MEX3A: variants seen among roughly 807,000 people sequenced by gnomAD.
MEX3A encodes the protein mex-3 RNA binding family member A, also known as RNA-binding protein MEX3A.
In MEX3A, 4 loss-of-function variants were observed where a neutral mutation model predicts 30.0. The observed-to-expected ratio is 0.13, with a 90% confidence interval of 0.07 to 0.30. The LOEUF (loss-of-function observed/expected upper bound fraction) is 0.30, where lower values mean the gene tolerates loss of function less well. Ranked by LOEUF, MEX3A falls within the 10% of genes least tolerant of loss-of-function variation. The probability of loss-of-function intolerance (pLI) is 1.00; values close to 1 mark genes in which losing one functional copy is unlikely to be tolerated. For missense variants in MEX3A, 555 were observed against 736.7 expected (o/e 0.75, Z 2.86); for synonymous variants, 335 against 327.6 (o/e 1.02, Z -0.24).
rs554186858 is a variant in MEX3A, at chr1:156,082,072, G to A, written c.-74C>T. ...GTGGTGGAAGGGAAAAGAGGAGAGA[G>A]GAGGGGAGGGGAGAGGAGAGGAGGG... On this transcript the variant is annotated 5_prime_UTR_variant, in exon 1 of 2. Transcript: ENST00000532414. 5.2e-5 allele frequency: 32 copies of A among 617,490 alleles called. No individual in the cohort carries two copies. The African/African-American group carries it at 6.7e-4, about 13-fold the overall frequency. 38.3% of individuals were successfully genotyped at this position (617,490 alleles called of 1,614,324 possible). A position where few individuals can be genotyped will look rare whatever the true frequency, so the allele number is the denominator to read the frequency against.
Position 156,076,986 on chromosome 1 carries a change from A to G in MEX3A, c.1151T>C (p.Val384Ala). The change falls in exon 2 of 2, where the codon GTG (valine) becomes GCG (alanine). Residue 384 changes from valine to alanine, a missense_variant. This residue lies in a region of MEX3A where 281 missense variants were observed against 265.1 expected (regional missense o/e 1.06). Coordinates refer to ENST00000532414, the MANE Select transcript of MEX3A (RefSeq NM_001093725.2). This position sits in a 1 kb window ranked among gnomAD's most constrained non-coding sequence, Gnocchi z 6.0. ...GVGKQDVYYG[V>A]AETSPPLWAG... is the part of the protein sequence containing the mutation. ...CCACAGCGGGGGGCTAGTCTCGGCC[A>G]CGCCGTAGTACACATCCTGCTTGCC... 6.2e-7 allele frequency: 1 copy of G among 1,613,004 alleles called. No individual in the cohort carries two copies. Among genetic ancestry groups the G allele is most frequent in the Non-Finnish European group, 8.5e-7 (1 of 1,179,664 alleles).
chr1:156,077,651 G>T lies in MEX3A; in HGVS notation c.486C>A (p.Thr162=). ...GCKIKALRAK[T]NTYIKTPVRG... is the part of the protein sequence containing the mutation. ...TCACCGGTGTCTTGATGTAGGTGTT[G>T]GTCTTGGCCCTCAAGGCCTTAATCT... Residue 162 remains threonine, a synonymous_variant, in exon 2 of 2, where the codon ACC becomes ACA. Coordinates refer to ENST00000532414, the MANE Select transcript of MEX3A (RefSeq NM_001093725.2). The surrounding 1 kb of genome is among the most constrained non-coding windows in gnomAD (Gnocchi z 8.3). 6.2e-7 allele frequency: 1 copy of T among 1,600,210 alleles called. No homozygotes were observed. The highest frequency in any genetic ancestry group is 8.5e-7 in the Non-Finnish European group (1 of 1,176,814).
Position 156,077,369 on chromosome 1 carries a change from G to A in MEX3A, c.768C>T (p.Tyr256=), listed in dbSNP as rs1225339992. The A allele has an allele frequency of 6.2e-7, 1 of 1,613,510 alleles. No individual in the cohort carries two copies. ...CGCGGTCACGGCTTGGTGTGATAATGTATGTGTTGGTTTGCTGCTGGATGC... is the reference window on the plus strand; with the variant it reads ...CGCGGTCACGGCTTGGTGTGATAATATATGTGTTGGTTTGCTGCTGGATGC... ...IKRIQQQTNT[Y]IITPSRDRDP... Residue 256 remains tyrosine (Y), a synonymous_variant, in exon 2 of 2, where the codon TAC becomes TAT. Transcript: ENST00000532414. This position sits in a 1 kb window ranked among gnomAD's most constrained non-coding sequence, Gnocchi z 8.3.
rs757995309 is a variant in MEX3A, at chr1:156,076,530, G to GGTGGGCCCAGTGGA, written c.*30_*43dup. 1.9e-6 allele frequency: 3 copies of GGTGGGCCCAGTGGA among 1,556,224 alleles called. No individual in the cohort carries two copies. The East Asian group carries it at 6.8e-5, about 35-fold the overall frequency. On this transcript the variant is annotated 3_prime_UTR_variant, in exon 2 of 2. Coordinates refer to ENST00000532414, the MANE Select transcript of MEX3A (RefSeq NM_001093725.2). This position sits in a 1 kb window ranked among gnomAD's most constrained non-coding sequence, Gnocchi z 6.0. The stretch of plus-strand genomic sequence containing the variant: ...AGGCTTTAGTGGAAAACAGGTCCAG[G>GGTGGGCCCAGTGGA]GTGGGCCCAGTGGAGTGGGCCCCGG...
At position 156,072,965 on chromosome 1, in the gene MEX3A, T is replaced by C. The variant is rs1005095520; in HGVS notation, c.*3609A>G. 1 of 152,372 alleles carries C rather than the reference T, an allele frequency of 6.6e-6. No homozygotes were observed. Among genetic ancestry groups the C allele is most frequent in the African/African-American group, 2.4e-5 (1 of 41,438 alleles). The allele number at this position is 152,372 out of a possible 1,614,324, so 9.4% of individuals were successfully genotyped here. A position where few individuals can be genotyped will look rare whatever the true frequency, so the allele number is the denominator to read the frequency against. On this transcript the variant is annotated 3_prime_UTR_variant, in exon 2 of 2. Coordinates refer to ENST00000532414, the MANE Select transcript of MEX3A (RefSeq NM_001093725.2). ...GAGATTGTTACTGCTACTGCTGCCA[T>C]GGAGGTCAAAGCTAAGTGGAAAGCT...
intron 1 of MEX3A, among the ~76,000 whole-genome samples, chr1:156,078,776 G>C (rs1648141012): frequency 2.0e-5 from 3 of 152,084 alleles, no homozygotes. Context: ...ACGTGTGTGA[G>C]TTCACACACA....
Position 156,076,737 on chromosome 1 carries a change from C to T in MEX3A, c.1400G>A (p.Arg467Gln). The T allele has an allele frequency of 1.2e-6, 2 of 1,608,636 alleles. No homozygotes were observed. Among genetic ancestry groups the T allele is most frequent in the East Asian group, 2.2e-5 (1 of 44,642 alleles). Residue 467 changes from arginine to glutamine, a missense_variant, in exon 2 of 2, where the codon CGG becomes CAG. By Grantham distance (43) the Arg-to-Gln change is conservative (BLOSUM62 1). Coordinates refer to ENST00000532414, the MANE Select transcript of MEX3A (RefSeq NM_001093725.2). The surrounding 1 kb of genome is among the most constrained non-coding windows in gnomAD (Gnocchi z 6.0). ...GCTCTCAAAGCAGACCATGCAATCCCGCCCGCCGCCGGGGCTCCGCAGGCC... is the reference window on the plus strand; with the variant it reads ...GCTCTCAAAGCAGACCATGCAATCCTGCCCGCCGCCGGGGCTCCGCAGGCC... The part of the protein sequence containing the change: ...GGGLRSPGGG[R>Q]DCMVCFESEV...
intron 1 of MEX3A, among the ~76,000 whole-genome samples, chr1:156,078,666 G>A (rs1464083558): frequency 1.3e-5 from 2 of 152,078 alleles, no homozygotes; most frequent in Non-Finnish European, 2.9e-5. Context: ...CGACCTGGGG[G>A]TCTGGACAAG....
Position 156,081,949 on chromosome 1 carries a change from C to T in MEX3A, c.50G>A (p.Gly17Glu). The change falls in exon 1 of 2, where the codon GGA (glycine) becomes GAA (glutamate). Residue 17 changes from glycine (G) to glutamate (E), a missense_variant. Coordinates refer to ENST00000532414, the MANE Select transcript of MEX3A (RefSeq NM_001093725.2). ...SGIMERNGGF[G>E]ELGCFGGSAK... ...GCTTCCCCCGAAACATCCTAGTTCT[C>T]CAAAGCCCCCATTTCTTTCCATTAT... 1 of 1,539,302 alleles carries T rather than the reference C, an allele frequency of 6.5e-7. No individual in the cohort carries two copies. The highest frequency in any genetic ancestry group is 8.8e-7 in the Non-Finnish European group (1 of 1,141,326).
chr1:156,081,855 C>A lies in MEX3A; in HGVS notation c.144G>T (p.Leu48=), dbSNP rs1648258258. The change falls in exon 1 of 2, where the codon CTG becomes CTT. Residue 48 remains leucine, a synonymous_variant. Coordinates refer to ENST00000532414, the MANE Select transcript of MEX3A (RefSeq NM_001093725.2). Reference sequence around the variant, plus strand: ...TGGGGGCGGGGGGCTCCCCCAAACCCAGGAGGCAGAGTTGATCGAGAGCCA... The same window carrying A: ...TGGGGGCGGGGGGCTCCCCCAAACCAAGGAGGCAGAGTTGATCGAGAGCCA... ...LQLALDQLCL[L]GLGEPPAPTA... 1.0e-5 allele frequency: 15 copies of A among 1,481,820 alleles called. No homozygotes were observed. Among genetic ancestry groups the A allele is most frequent in the Non-Finnish European group, 1.3e-5 (15 of 1,114,350 alleles). 91.8% of individuals were successfully genotyped at this position (1,481,820 alleles called of 1,614,324 possible). A position where few individuals can be genotyped will look rare whatever the true frequency, so the allele number is the denominator to read the frequency against.
At chr1:156,080,782 C>G (rs571034654) in intron 1 of MEX3A, among the ~76,000 whole-genome samples, 2 of 151,728 alleles carry the variant, frequency 1.3e-5, no homozygotes, top group East Asian at 1.9e-4. Context: ...CCAGCATTCC[C>G]CCTCCTACCC....
chr1:156,077,024 C>T lies in MEX3A; in HGVS notation c.1113G>A (p.Pro371=). 1 of 1,613,532 alleles carries T rather than the reference C, an allele frequency of 6.2e-7. No homozygotes were observed. Among genetic ancestry groups the T allele is most frequent in the Non-Finnish European group, 8.5e-7 (1 of 1,179,790 alleles). ...CATCCTGCTTGCCCACGCCATAGCC[C>T]GGAAAGAGGTACCCGCCGTAGCCAA... The part of the protein sequence containing the change: ...GDFGYGGYLF[P]GYGVGKQDVY... The change falls in exon 2 of 2, where the codon CCG becomes CCA. Residue 371 remains proline, a synonymous_variant. Coordinates refer to ENST00000532414, the MANE Select transcript of MEX3A (RefSeq NM_001093725.2). The surrounding 1 kb of genome is among the most constrained non-coding windows in gnomAD (Gnocchi z 8.3).
Position 156,076,865 on chromosome 1 carries a change from G to A in MEX3A, c.1272C>T (p.Gly424=), listed in dbSNP as rs773469739. The change falls in exon 2 of 2, where the codon GGC becomes GGT. Residue 424 remains glycine (G), a synonymous_variant. Coordinates refer to ENST00000532414, the MANE Select transcript of MEX3A (RefSeq NM_001093725.2). The surrounding 1 kb of genome is among the most constrained non-coding windows in gnomAD (Gnocchi z 6.0). The stretch of plus-strand genomic sequence containing the variant: ...CGGAAGTGGCAGGGGAGCGGTGTGC[G>A]CCCGGGGGCCCAGCGCGGGCCTTGG... ...SSAKARAGPP[G]AHRSPATSAG... The A allele has an allele frequency of 8.5e-6, 13 of 1,536,482 alleles. No homozygotes were observed. The East Asian group carries it at 2.2e-4, about 26-fold the overall frequency.
rs1198503688 is a variant in MEX3A, at chr1:156,072,559, G to A, written c.*4015C>T. On this transcript the variant is annotated 3_prime_UTR_variant, in exon 2 of 2. Transcript: ENST00000532414. The stretch of plus-strand genomic sequence containing the variant: ...GGCCCCTCCAACCCCTTGGATAGGA[G>A]GGGAAGGCCCAGTGATTGCAAGCTG... 1 of 152,798 alleles carries A rather than the reference G, an allele frequency of 6.5e-6. No homozygotes were observed. 9.5% of individuals were successfully genotyped at this position (152,798 alleles called of 1,614,324 possible).
chr1:156,079,222 G>GTT (rs34403087), intron 1 of MEX3A, among the ~76,000 whole-genome samples: 11 of 145,374 alleles, frequency 7.6e-5, no homozygotes, highest in East Asian at 5.9e-4. Context: ...TTTTTTGTTT[G>GTT]TTTTTTTTTG....
At position 156,077,109 on chromosome 1, in the gene MEX3A, C is replaced by T. The variant is rs1466949175; in HGVS notation, c.1028G>A (p.Gly343Asp). ...TFRQNSLGCI[G>D]ECGVDSGFEA... ...AAAGCCAGAGTCCACTCCGCACTCG[C>T]CGATGCAGCCCAGGCTGTTCTGCCG... The change falls in exon 2 of 2, where the codon GGC (glycine) becomes GAC (aspartate). Residue 343 changes from glycine to aspartate, a missense_variant. By Grantham distance (94) the Gly-to-Asp change is moderately conservative. Coordinates refer to ENST00000532414, the MANE Select transcript of MEX3A (RefSeq NM_001093725.2). The surrounding 1 kb of genome is among the most constrained non-coding windows in gnomAD (Gnocchi z 8.3). 3 of 1,613,750 alleles carry T rather than the reference C, an allele frequency of 1.9e-6. No individual in the cohort carries two copies. The highest frequency in any genetic ancestry group is 2.5e-6 in the Non-Finnish European group (3 of 1,179,842).
chr1:156,077,192 G>A lies in MEX3A; in HGVS notation c.945C>T (p.Ser315=). ...LAGSPDAAID[S]RYSDAWRVHQ... ...GCACCCGCCAGGCGTCGGAGTAGCG[G>A]CTATCGATTGCTGCGTCGGGGCTCC... Residue 315 remains serine (S), a synonymous_variant, in exon 2 of 2, where the codon AGC becomes AGT. Transcript: ENST00000532414. This position sits in a 1 kb window ranked among gnomAD's most constrained non-coding sequence, Gnocchi z 8.3. The A allele has an allele frequency of 1.9e-6, 3 of 1,613,488 alleles. No homozygotes were observed. Among genetic ancestry groups the A allele is most frequent in the Non-Finnish European group, 2.5e-6 (3 of 1,179,842 alleles).
rs1444118059 is a variant in MEX3A, at chr1:156,073,770, C to T, written c.*2804G>A. ...AAAAATCTAGATCTCTTAAATCTCA[C>T]ACATCTCTGAGGGTTCCTATAGGCC... On this transcript the variant is annotated 3_prime_UTR_variant, in exon 2 of 2. Transcript: ENST00000532414. The T allele has an allele frequency of 2.6e-5, 4 of 152,616 alleles. No homozygotes were observed. Among genetic ancestry groups the T allele is most frequent in the Non-Finnish European group, 5.9e-5 (4 of 68,024 alleles). The allele number at this position is 152,616 out of a possible 1,614,324, so 9.5% of individuals were successfully genotyped here. A position where few individuals can be genotyped will look rare whatever the true frequency, so the allele number is the denominator to read the frequency against.
At chr1:156,079,040 C>T (rs75088561) in intron 1 of MEX3A, among the ~76,000 whole-genome samples, 3,566 of 152,200 alleles carry the variant, frequency 0.023, 47 homozygotes, top group South Asian at 0.046. Context: ...CCCCTTCTCT[C>T]TCCAACCGAA....
Sources: gnomAD v4.1 joint callset for allele counts (sites outside exome capture counted in the v4.1 genomes callset) on GRCh38, gnomAD v4.1.1 for gene constraint, gnomAD v4.1.1 regional missense constraint, Gnocchi (gnomAD v3.1) non-coding constraint, MANE v1.5 for transcripts, NCBI Gene and HGNC (gene_info 2026-07-23, HGNC 2026-07-21) for gene names.